Variants in RPAIN observed in about 807,000 individuals in gnomAD.
RPAIN encodes the protein RPA-interacting protein.
RPAIN carries 29 observed loss-of-function variants against 30.5 expected under a neutral mutation model. The ratio of observed to expected loss-of-function variants is 0.95; its 90% confidence interval spans 0.71 to 1.30. RPAIN has a LOEUF of 1.30. Among genes scored for constraint, RPAIN ranks in the 50% most tolerant of loss-of-function variants. The probability of loss-of-function intolerance (pLI) is 0.00; values close to 1 mark genes in which losing one functional copy is unlikely to be tolerated. For missense variants in RPAIN, 247 were observed against 264.7 expected (o/e 0.93, Z 0.46); for synonymous variants, 101 against 93.5 (o/e 1.08, Z -0.46).
intron 5 of RPAIN, chr17:5,426,607 G>T: frequency 7.6e-6 from 2 of 262,278 alleles, no homozygotes; most frequent in Admixed American, 4.8e-5. Flanking sequence ...TATATATGAA[G>T]ACATACCTAA....
At chr17:5,432,218 T>A (rs999090876) in intron 6 of RPAIN, 4 of 307,366 alleles carry the variant, frequency 1.3e-5, no homozygotes, top group Non-Finnish European at 2.4e-5. Flanking sequence ...AGCTCCAGGC[T>A]ATCAAGAGTT....
Position 5,422,833 on chromosome 17 carries a change from A to AC in RPAIN, c.313+8dup. The AC allele has an allele frequency of 6.2e-7, 1 of 1,603,660 alleles. No individual in the cohort carries two copies. Among genetic ancestry groups the AC allele is most frequent in the Non-Finnish European group, 8.5e-7 (1 of 1,171,470 alleles). The stretch of plus-strand genomic sequence containing the variant: ...CAACAGGAGCTGATCAACCAAGGTA[A>AC]CCCCTAGTGGTAGTCCTTCCTTACC... On this transcript the variant is annotated splice_donor_region_variant and intron_variant, in intron 3 of 6. Transcript: ENST00000381209.
chr17:5,422,734 C>T (rs1914990057), intron 2 of RPAIN, 35 bp from the exon 3 acceptor site: 12 of 1,603,076 alleles, frequency 7.5e-6, no homozygotes, highest in African/African-American at 2.7e-5. Flanking sequence ...GTGATTAATA[C>T]TTCAAACTTC....
rs994850797 is a variant in RPAIN at position 5,432,737 on chromosome 17, C to T, written c.*166C>T. 13 of 815,502 alleles carry T rather than the reference C, an allele frequency of 1.6e-5. No individual in the cohort carries two copies. The highest frequency in any genetic ancestry group is 3.0e-5 in the Admixed American group (1 of 33,436). The allele number at this position is 815,502 out of a possible 1,614,324, so 50.5% of individuals were successfully genotyped here. A position where few individuals can be genotyped will look rare whatever the true frequency, so the allele number is the denominator to read the frequency against. ...GACATCTGTTCTTGGTCTTTTGTGA[C>T]GCAGGTTGAAGGGGGAGGAATAGAA... On this transcript the variant is annotated 3_prime_UTR_variant, in exon 7 of 7. Transcript: ENST00000381209.
intron 6 of RPAIN, chr17:5,431,279 G>C (rs1289214484): frequency 2.8e-6 from 1 of 362,220 alleles, no homozygotes; most frequent in Non-Finnish European, 5.4e-6. Context: ...TTGAGGCCAG[G>C]AATTCAAGAC....
rs1242077981 is a variant in RPAIN, at chr17:5,421,352, G to A, written c.138G>A (p.Gln46=). The change falls in exon 2 of 7, where the codon CAG becomes CAA. Residue 46 remains glutamine, a synonymous_variant. Transcript: ENST00000381209. ...ACAGGCTCCTAAACAGGTACCGCCAGGCTGGAAGCAGTGGGCCAGGGAATT... is the reference window on the plus strand; with the variant it reads ...ACAGGCTCCTAAACAGGTACCGCCAAGCTGGAAGCAGTGGGCCAGGGAATT... ...SRDRLLNRYR[Q]AGSSGPGNSQ... The A allele has an allele frequency of 6.2e-7, 1 of 1,613,928 alleles. No homozygotes were observed. The highest frequency in any genetic ancestry group is 1.3e-5 in the African/African-American group (1 of 74,878).
At chr17:5,421,106 A>G (rs1461643548) in intron 1 of RPAIN, among the ~76,000 whole-genome samples, 190 bp from the exon 2 acceptor site, 4 of 152,222 alleles carry the variant, frequency 2.6e-5, no homozygotes, top group Non-Finnish European at 5.9e-5. Flanking sequence ...GTTCTTTGTA[A>G]ATACGTGTAC....
Position 5,429,254 on chromosome 17 carries a change from T to C in RPAIN, c.630+1043T>C, listed in dbSNP as rs1051258773. On this transcript the variant is annotated intron_variant, in intron 6 of 6. Transcript: ENST00000381209. ...CTGGAGGAGGCATTTAACTTGGCCT[T>C]GAAGCATGGAATCGATCTGGACAGA... 3 of 985,314 alleles carry C rather than the reference T, an allele frequency of 3.0e-6. No homozygotes were observed. In the African/African-American group the frequency reaches 5.2e-5, roughly 17 times the overall value. 61.0% of individuals were successfully genotyped at this position (985,314 alleles called of 1,614,324 possible).
At chr17:5,426,429 T>C (rs1915398615) in intron 5 of RPAIN, 130 bp downstream of exon 5, 13 of 832,262 alleles carry the variant, frequency 1.6e-5, no homozygotes, top group South Asian at 8.5e-5. Context: ...TGGTGTCACA[T>C]TGGTAGCTTC....
rs751769703 is a variant in RPAIN at position 5,432,533 on chromosome 17, T to C, written c.631-9T>C. 4.3e-5 allele frequency: 70 copies of C among 1,613,100 alleles called. 1 individual carries two copies. In the Admixed American group the frequency reaches 6.8e-4, roughly 16 times the overall value. On this transcript the variant is annotated splice_polypyrimidine_tract_variant and intron_variant, in intron 6 of 6. Coordinates refer to ENST00000381209, the MANE Select transcript of RPAIN (RefSeq NM_001033002.4). ...AATTTAAGCTAATTATTTTCCTGTT[T>C]AAACCTAGGCCTGTGATACTTGGGC... is the stretch of plus-strand genomic sequence containing the variant.
chr17:5,421,060 C>G (rs1378375697), intron 1 of RPAIN, among the ~76,000 whole-genome samples: 1 of 152,166 alleles, frequency 6.6e-6, no homozygotes, highest in Admixed American at 6.5e-5. Flanking sequence ...TGCACACAAC[C>G]ATTAAGGAAA....
intron 3 of RPAIN, among the ~76,000 whole-genome samples, chr17:5,423,477 C>A (rs1405088258): frequency 6.6e-6 from 1 of 152,054 alleles, no homozygotes; most frequent in East Asian, 1.9e-4. Flanking sequence ...ATAATTTTAC[C>A]ACCTCACTCC....
In RPAIN at chr17:5,432,609, A is replaced by G; in HGVS notation, c.*38A>G. The G allele has an allele frequency of 6.3e-7, 1 of 1,593,936 alleles. No individual in the cohort carries two copies. Among genetic ancestry groups the G allele is most frequent in the Non-Finnish European group, 8.6e-7 (1 of 1,161,626 alleles). On this transcript the variant is annotated 3_prime_UTR_variant, in exon 7 of 7. Transcript: ENST00000381209. ...CTCACATCATTCTATGGGGTTGAAGACAACTCATTCCCTCTGAGGAGCCTT... is the reference window on the plus strand; with the variant it reads ...CTCACATCATTCTATGGGGTTGAAGGCAACTCATTCCCTCTGAGGAGCCTT...
chr17:5,432,423 G>T (rs1458347983), intron 6 of RPAIN, 119 bp from the exon 7 acceptor site: 4 of 935,644 alleles, frequency 4.3e-6, no homozygotes, highest in Non-Finnish European at 6.9e-6. Flanking sequence ...TGAACTAATT[G>T]AAACTGGACT....
intron 6 of RPAIN, chr17:5,431,823 A>T: frequency 2.8e-6 from 1 of 355,702 alleles, no homozygotes; most frequent in Non-Finnish European, 5.5e-6. Context: ...AGTGTCTTTT[A>T]GAGAAAGCCA....
chr17:5,422,726 GA>G (rs764329630), intron 2 of RPAIN, 42 bp from the exon 3 acceptor site: 1 of 1,585,862 alleles, frequency 6.3e-7, no homozygotes, highest in South Asian at 1.1e-5. Context: ...CTTGGTTGGT[GA>G]TTAATACTTC....
chr17:5,426,189 C>A, intron 4 of RPAIN, 47 bp from the exon 5 acceptor site: 1 of 1,595,668 alleles, frequency 6.3e-7, no homozygotes, highest in Non-Finnish European at 8.6e-7. Flanking sequence ...GTTTGGAGAT[C>A]CAGGTCTGGT....
intron 3 of RPAIN, chr17:5,425,129 A>G: frequency 3.0e-6 from 1 of 337,740 alleles, no homozygotes. Flanking sequence ...ATAAACAAAT[A>G]AGCGTGACTG....
intron 6 of RPAIN, chr17:5,430,866 G>C (rs4427854): frequency 0.036 from 5,677 of 156,118 alleles, 169 homozygotes; most frequent in South Asian, 0.11. Flanking sequence ...GGAGTCTACA[G>C]CTCCTTGAGT....
Sources: allele counts gnomAD v4.1 joint callset (sites outside exome capture counted in the v4.1 genomes callset), GRCh38; gene constraint gnomAD v4.1.1; transcripts MANE v1.5; gene names NCBI Gene and HGNC (gene_info 2026-07-23, HGNC 2026-07-21).